The following MED27 variants were observed in gnomAD, a reference collection of about 807,000 sequenced individuals.
MED27 encodes the protein mediator complex subunit 27, also known as mediator of RNA polymerase II transcription subunit 27.
MED27 carries 30 observed loss-of-function variants against 38.2 expected under a neutral mutation model. That is an observed-to-expected ratio of 0.79 (90% CI 0.59 to 1.07). MED27 has a LOEUF of 1.07. Ranked by LOEUF, MED27 falls within the 50% of genes least tolerant of loss-of-function variation. The pLI is 0.00. For synonymous variants in MED27, 122 were observed against 153.5 expected, an observed-to-expected ratio of 0.79 and a Z score of 1.52; for missense variants, 289 against 397.5, an observed-to-expected ratio of 0.73 and a Z score of 2.32.
chr9:131,879,543 T>A (rs7036543), intron 6 of MED27, among the ~76,000 whole-genome samples: 31,062 of 152,104 alleles, frequency 0.2, 3,498 homozygotes, highest in Non-Finnish European at 0.26. Flanking sequence ...ATCTCAGAGG[T>A]GGGCATAGCT....
intron 4 of MED27, among the ~76,000 whole-genome samples, chr9:131,914,830 T>G (rs1830260257): frequency 6.6e-6 from 1 of 152,120 alleles, no homozygotes; most frequent in Non-Finnish European, 1.5e-5. Context: ...TGGGTGGCAC[T>G]GGGGAAAGGT....
At chr9:131,864,976 C>T (rs1838712359) in intron 6 of MED27, among the ~76,000 whole-genome samples, 1 of 152,266 alleles carries the variant, frequency 6.6e-6, no homozygotes, top group South Asian at 2.1e-4. Context: ...CTATTTCCCA[C>T]TGGACTTTCA....
intron 2 of MED27, among the ~76,000 whole-genome samples, chr9:132,074,758 G>C (rs1175705205): frequency 1.3e-5 from 2 of 152,076 alleles, no homozygotes; most frequent in South Asian, 2.1e-4. Flanking sequence ...TTTCTTTCAG[G>C]GTTTTGTGTA....
intron 4 of MED27, among the ~76,000 whole-genome samples, chr9:131,929,374 A>G (rs1419879903): frequency 6.6e-6 from 1 of 152,174 alleles, no homozygotes; most frequent in Non-Finnish European, 1.5e-5. Context: ...CTTGCCCCTT[A>G]GGTACCAGCT....
intron 3 of MED27, among the ~76,000 whole-genome samples, chr9:131,963,375 C>T (rs1290510724): frequency 6.6e-6 from 1 of 152,072 alleles, no homozygotes; most frequent in African/African-American, 2.4e-5. Flanking sequence ...TCAAGTGTGA[C>T]TAGCTTAAAG....
intron 3 of MED27, among the ~76,000 whole-genome samples, chr9:131,985,804 T>C (rs1487494966): frequency 1.3e-5 from 2 of 152,140 alleles, no homozygotes; most frequent in Non-Finnish European, 1.5e-5. Context: ...ATTGTTATCA[T>C]AGGAGATGAC....
At chr9:132,028,265 C>G (rs1353769787) in intron 2 of MED27, among the ~76,000 whole-genome samples, 1 of 152,212 alleles carries the variant, frequency 6.6e-6, no homozygotes, top group Non-Finnish European at 1.5e-5. Flanking sequence ...CCTAAAGGAG[C>G]TGGGGGTGCT....
intron 2 of MED27, among the ~76,000 whole-genome samples, chr9:132,067,168 G>A (rs79295588): frequency 0.029 from 4,397 of 152,276 alleles, 217 homozygotes; most frequent in African/African-American, 0.1. Context: ...TGTGTCCAAC[G>A]CTGAACTAGA....
At chr9:131,908,129 G>T (rs1383663389) in intron 4 of MED27, among the ~76,000 whole-genome samples, 1 of 109,844 alleles carries the variant, frequency 9.1e-6, no homozygotes, top group East Asian at 2.1e-4. Context: ...AGGGAGGTGG[G>T]GGGGTCAGCC....
At chr9:131,970,296 G>T (rs1488917817) in intron 3 of MED27, among the ~76,000 whole-genome samples, 1 of 152,256 alleles carries the variant, frequency 6.6e-6, no homozygotes, top group Non-Finnish European at 1.5e-5. Flanking sequence ...AGTGGAAGGA[G>T]GGTGGGCTGT....
At chr9:132,068,648 C>A (rs998941511) in intron 2 of MED27, among the ~76,000 whole-genome samples, 1 of 152,080 alleles carries the variant, frequency 6.6e-6, no homozygotes, top group African/African-American at 2.4e-5. Flanking sequence ...GGATGACACC[C>A]AGGGATCTGG....
chr9:132,040,960 C>T (rs1217285224), intron 2 of MED27, among the ~76,000 whole-genome samples: 1 of 152,340 alleles, frequency 6.6e-6, no homozygotes, highest in East Asian at 1.9e-4. Context: ...AGAGCCACTG[C>T]CATCTCACCA....
At chr9:131,981,080 G>A (rs1441665373) in intron 3 of MED27, among the ~76,000 whole-genome samples, 5 of 152,168 alleles carry the variant, frequency 3.3e-5, no homozygotes, top group African/African-American at 1.2e-4. Flanking sequence ...TCTTGAAGCA[G>A]CAGGACTCCT....
At chr9:132,048,345 G>A (rs11243606) in intron 2 of MED27, among the ~76,000 whole-genome samples, 3,024 of 152,168 alleles carry the variant, frequency 0.02, 93 homozygotes, top group African/African-American at 0.069. Context: ...CAACCACTAC[G>A]GAGAGGAAAA....
intron 4 of MED27, among the ~76,000 whole-genome samples, chr9:131,935,326 C>G (rs1717334005): frequency 6.6e-6 from 1 of 152,198 alleles, no homozygotes; most frequent in South Asian, 2.1e-4. Context: ...CAAAGTGTCT[C>G]ATATACCCCA....
chr9:132,020,832 T>A (rs1159764496), intron 2 of MED27, among the ~76,000 whole-genome samples: 1 of 152,228 alleles, frequency 6.6e-6, no homozygotes, highest in Non-Finnish European at 1.5e-5. Flanking sequence ...TATCTCCTAA[T>A]GCTTCTTTCA....
chr9:131,869,447 A>AGGTTC, intron 6 of MED27: 3 of 972,370 alleles, frequency 3.1e-6, no homozygotes, highest in Non-Finnish European at 3.7e-6. Context: ...GTGGCAGCCG[A>AGGTTC]GGTTCGGTCC....
Position 131,891,320 on chromosome 9 carries a change from A to C in MED27, c.681+2565T>G, listed in dbSNP as rs192021169. 4.1e-3 allele frequency among the ~76,000 whole-genome samples: 625 copies of C among 152,386 alleles called. 1 individual carries two copies. The highest frequency in any genetic ancestry group is 6.8e-3 in the Middle Eastern group (2 of 294). ...AGAATGATGCCAGATGAAGTCAGAA[A>C]GGAAGGCAGAGGCTGCGCCATGAGG... On this transcript the variant is annotated intron_variant, in intron 5 of 7. Coordinates refer to ENST00000292035, the MANE Select transcript of MED27 (RefSeq NM_004269.4).
chr9:132,046,003 A>G (rs72763625), intron 2 of MED27, among the ~76,000 whole-genome samples: 15,236 of 152,250 alleles, frequency 0.1, 1,000 homozygotes, highest in South Asian at 0.17. Flanking sequence ...GCAATAGGAT[A>G]ATGGAACCTT....
Sources: gnomAD v4.1 joint callset for allele counts (sites outside exome capture counted in the v4.1 genomes callset) on GRCh38, gnomAD v4.1.1 for gene constraint, MANE v1.5 for transcripts, NCBI Gene and HGNC (gene_info 2026-07-23, HGNC 2026-07-21) for gene names.